The following FCHO1 variants were observed in gnomAD, a reference collection of about 807,000 sequenced individuals.
The protein encoded by FCHO1 is FCH and mu domain containing endocytic adaptor 1, also known as F-BAR domain only protein 1.
Under a neutral mutation model 114.4 loss-of-function variants are expected in FCHO1, and 45 were observed. The observed-to-expected ratio is 0.39, with a 90% CI of 0.31 to 0.50. The LOEUF (loss-of-function observed/expected upper bound fraction) is 0.50. FCHO1 is among the 20% of genes least tolerant of loss of function. The pLI, the probability that FCHO1 is intolerant of heterozygous loss-of-function variation, is 0.77. For synonymous variants in FCHO1, 480 were observed against 488.9 expected (o/e 0.98, Z 0.24); for missense variants, 1,042 against 1,209.6 (o/e 0.86, Z 2.06).
chr19:17,772,755 G>A lies in FCHO1; in HGVS notation c.790+14G>A. ...GGGAGAAGCCTGGTGAGTCAGGGCA[G>A]CCATTGGGGGTCGGGCTTCGGGGCC... On this transcript the variant is annotated intron_variant, in intron 11 of 28. Coordinates refer to ENST00000596536, the MANE Select transcript of FCHO1 (RefSeq NM_015122.3). 1 of 1,606,916 alleles carries A rather than the reference G, an allele frequency of 6.2e-7. No individual in the cohort carries two copies. Among genetic ancestry groups the A allele is most frequent in the Non-Finnish European group, 8.5e-7 (1 of 1,173,462 alleles).
intron 23 of FCHO1, among the ~76,000 whole-genome samples, chr19:17,782,555 C>T (rs1036708420): frequency 2.6e-5 from 4 of 152,092 alleles, no homozygotes; most frequent in African/African-American, 7.2e-5. Context: ...CCAAGGCTGC[C>T]GTGGGCATTA....
intron 12 of FCHO1, 36 bp downstream of exon 12, chr19:17,774,319 C>G: frequency 3.1e-6 from 5 of 1,613,744 alleles, no homozygotes; most frequent in Non-Finnish European, 4.2e-6. Flanking sequence ...CAGGCTGGAC[C>G]ATGGGGGTGA....
intron 4 of FCHO1, among the ~76,000 whole-genome samples, chr19:17,756,232 C>G (rs1360156138): frequency 1.3e-5 from 2 of 152,194 alleles, no homozygotes; most frequent in Admixed American, 6.5e-5. Flanking sequence ...GGTGTGACCT[C>G]CGCCCTCTCT....
At chr19:17,770,628 CT>C in intron 8 of FCHO1, 51 bp downstream of exon 8, 1 of 1,588,768 alleles carries the variant, frequency 6.3e-7, no homozygotes, top group South Asian at 1.1e-5. Context: ...GGCGGAGGGG[CT>C]GCCTGATCAG....
Position 17,778,823 on chromosome 19 carries a change from C to G in FCHO1, c.1566C>G (p.Asp522Glu). Residue 522 changes from aspartate to glutamate, a missense_variant, in exon 20 of 29, where the codon GAC becomes GAG. This residue lies in a region of FCHO1 where 455 missense variants were observed against 455.4 expected (regional missense o/e 1.00). Coordinates refer to ENST00000596536, the MANE Select transcript of FCHO1 (RefSeq NM_015122.3). ...GTATCCGGGCACCGCCTCTGCCAGA[C>G]TCGCCGCAGCCCCTCGCCTCGTCTC... ...ARGIRAPPLP[D>E]SPQPLASSPG... 1 of 1,553,034 alleles carries G rather than the reference C, an allele frequency of 6.4e-7. No homozygotes were observed. The highest frequency in any genetic ancestry group is 8.6e-7 in the Non-Finnish European group (1 of 1,156,420).
chr19:17,780,778 G>A (rs1036855167), intron 20 of FCHO1, among the ~76,000 whole-genome samples: 2 of 152,118 alleles, frequency 1.3e-5, no homozygotes, highest in African/African-American at 2.4e-5. Context: ...GTTCATAGAT[G>A]GAACAGAACC....
Position 17,766,270 on chromosome 19 carries a change from G to A in FCHO1, c.195-399G>A, listed in dbSNP as rs142035243. Among the ~76,000 whole-genome samples, 1,272 of 148,408 alleles carry A rather than the reference G, an allele frequency of 8.6e-3. 20 individuals are homozygous for A. The highest frequency in any genetic ancestry group is 0.03 in the African/African-American group (1,210 of 40,064). ...CGGCTCGCTGCAAGCTCCACCTCCCGGGTTCAAGCGATTCTTCTGCCACAC... is the reference window on the plus strand; with the variant it reads ...CGGCTCGCTGCAAGCTCCACCTCCCAGGTTCAAGCGATTCTTCTGCCACAC... On this transcript the variant is annotated intron_variant, in intron 6 of 28. Transcript: ENST00000596536.
chr19:17,786,660 GGGA>G, intron 27 of FCHO1, 31 bp downstream of exon 27: 2 of 1,577,000 alleles, frequency 1.3e-6, no homozygotes, highest in Non-Finnish European at 1.7e-6. Flanking sequence ...AGGGCTGGGT[GGGA>G]GGGACTGGGG....
At chr19:17,767,586 A>T (rs767459516) in intron 7 of FCHO1, among the ~76,000 whole-genome samples, 1 of 150,370 alleles carries the variant, frequency 6.7e-6, no homozygotes, top group South Asian at 2.1e-4. Flanking sequence ...AAAAAAAACA[A>T]GAGAGAGAGA....
chr19:17,761,671 C>T (rs1263259589), intron 4 of FCHO1, among the ~76,000 whole-genome samples: 4 of 148,614 alleles, frequency 2.7e-5, no homozygotes, highest in East Asian at 1.9e-4. Context: ...CACTTCCCCC[C>T]CGCCCTGAGA....
chr19:17,753,976 T>G (rs1373204231), intron 1 of FCHO1, among the ~76,000 whole-genome samples: 2 of 152,212 alleles, frequency 1.3e-5, no homozygotes, highest in African/African-American at 4.8e-5. Flanking sequence ...CTAAACTAAC[T>G]TTCAAGATTA....
At position 17,777,986 on chromosome 19, in the gene FCHO1, C is replaced by T. The variant is rs145927336; in HGVS notation, c.1260-151C>T. On this transcript the variant is annotated intron_variant, in intron 18 of 28. Transcript: ENST00000596536. ...CGCAGGAAGCGGAGGTTGCAGCAAG[C>T]TGAGATCGTGCCACTGCACTGCAGC... is the stretch of plus-strand genomic sequence containing the variant. 2.5e-3 allele frequency: 1,457 copies of T among 587,730 alleles called. 18 individuals carry two copies. Among genetic ancestry groups the T allele is most frequent in the African/African-American group, 0.023 (1,260 of 53,638 alleles). 36.4% of individuals were successfully genotyped at this position (587,730 alleles called of 1,614,324 possible).
intron 4 of FCHO1, among the ~76,000 whole-genome samples, chr19:17,759,442 T>C (rs961644397): frequency 3.3e-5 from 5 of 151,066 alleles, no homozygotes; most frequent in Non-Finnish European, 7.4e-5. Flanking sequence ...AGTCTGGTCT[T>C]GAACTCTTGA....
intron 13 of FCHO1, 117 bp downstream of exon 13, chr19:17,774,595 G>A: frequency 1.3e-6 from 1 of 791,376 alleles, no homozygotes; most frequent in Non-Finnish European, 2.0e-6. Context: ...TTCCAGGCTG[G>A]ACCAGGATTC....
chr19:17,762,683 T>C, intron 4 of FCHO1, 79 bp from the exon 5 acceptor site: 1 of 1,022,392 alleles, frequency 9.8e-7, no homozygotes, highest in Non-Finnish European at 1.6e-6. Context: ...GGACTTCTGC[T>C]CCTTGGCCAC....
intron 20 of FCHO1, among the ~76,000 whole-genome samples, chr19:17,779,120 T>C (rs926645641): frequency 6.6e-6 from 1 of 151,128 alleles, no homozygotes; most frequent in African/African-American, 2.4e-5. Context: ...TTGAGGGAGG[T>C]GAGGACAGAA....
chr19:17,756,052 G>A (rs1398386825), intron 4 of FCHO1, among the ~76,000 whole-genome samples: 1 of 152,210 alleles, frequency 6.6e-6, no homozygotes. Flanking sequence ...AGGTCAGAAA[G>A]CCCCTTCCCC....
chr19:17,752,919 T>TAAA (rs764246965), intron 1 of FCHO1, among the ~76,000 whole-genome samples: 9 of 149,482 alleles, frequency 6.0e-5, no homozygotes, highest in Non-Finnish European at 1.3e-4. Flanking sequence ...AATAAAAAAA[T>TAAA]AAAAAAAACT....
Position 17,766,651 on chromosome 19 carries a change from G to T in FCHO1, c.195-18G>T. 1.2e-6 allele frequency: 2 copies of T among 1,613,826 alleles called. No homozygotes were observed. Among genetic ancestry groups the T allele is most frequent in the Non-Finnish European group, 8.5e-7 (1 of 1,179,950 alleles). The stretch of plus-strand genomic sequence containing the variant: ...GGTGAGCCTGATGAACCCTGGGTGT[G>T]ACCTTGCCCGCCCCCAGGACCTTCG... On this transcript the variant is annotated intron_variant, in intron 6 of 28. Coordinates refer to ENST00000596536, the MANE Select transcript of FCHO1 (RefSeq NM_015122.3).
Sources: allele counts gnomAD v4.1 joint callset (sites outside exome capture counted in the v4.1 genomes callset), GRCh38; gene constraint gnomAD v4.1.1; regional missense constraint gnomAD v4.1.1; transcripts MANE v1.5; gene names NCBI Gene and HGNC (gene_info 2026-07-23, HGNC 2026-07-21).